MAGI3: variants seen among roughly 807,000 people sequenced by gnomAD.
MAGI3 encodes the protein membrane-associated guanylate kinase, WW and PDZ domain-containing protein 3.
A neutral mutation model predicts 121.8 loss-of-function variants in MAGI3; 43 were observed. The observed-to-expected ratio is 0.35, with a 90% CI of 0.28 to 0.46. MAGI3 has a LOEUF of 0.46. Among genes scored for constraint, MAGI3 ranks in the 20% least tolerant of loss-of-function variants. The probability of loss-of-function intolerance (pLI) is 1.00; values close to 1 mark genes in which losing one functional copy is unlikely to be tolerated. For synonymous variants in MAGI3, 553 were observed against 639.3 expected (o/e 0.86, Z 2.04); for missense variants, 1,547 against 1,797.3 (o/e 0.86, Z 2.52).
intron 1 of MAGI3, among the ~76,000 whole-genome samples, chr1:113,413,273 C>T (rs540333328): frequency 8.7e-4 from 132 of 152,096 alleles, no homozygotes; most frequent in African/African-American, 3.0e-3. Flanking sequence ...CTGTTTTGGT[C>T]ACCGTAGCCT....
intron 1 of MAGI3, among the ~76,000 whole-genome samples, chr1:113,509,715 T>G (rs1657521277): frequency 8.0e-6 from 1 of 124,782 alleles, no homozygotes; most frequent in Non-Finnish European, 1.7e-5. Context: ...AATCAAATAA[T>G]GGCCAACGAG....
intron 9 of MAGI3, among the ~76,000 whole-genome samples, chr1:113,638,942 C>T (rs796805377): frequency 2.0e-5 from 3 of 152,046 alleles, no homozygotes; most frequent in Non-Finnish European, 4.4e-5. Flanking sequence ...CAATGGCGGG[C>T]GCCCCTCCCC....
chr1:113,434,426 C>A (rs913951157), intron 1 of MAGI3, among the ~76,000 whole-genome samples: 6 of 151,852 alleles, frequency 4.0e-5, no homozygotes, highest in South Asian at 2.1e-4. Flanking sequence ...CACACACACA[C>A]ACAAAAAGCG....
intron 1 of MAGI3, among the ~76,000 whole-genome samples, chr1:113,417,675 A>G (rs1173328659): frequency 2.6e-5 from 4 of 152,100 alleles, no homozygotes; most frequent in African/African-American, 4.8e-5. Flanking sequence ...GTGTTGGGCT[A>G]TGTATTCCTC....
intron 3 of MAGI3, among the ~76,000 whole-genome samples, chr1:113,584,967 C>CAAATT (rs1553202682): frequency 7.4e-6 from 1 of 135,724 alleles, no homozygotes. Context: ...TAGATATTTC[C>CAAATT]TTTTTTTTTT....
At chr1:113,425,080 ACCT>A (rs1557750258) in intron 1 of MAGI3, among the ~76,000 whole-genome samples, 8 of 151,710 alleles carry the variant, frequency 5.3e-5, no homozygotes, top group Admixed American at 5.2e-4. Flanking sequence ...AATCACTTGA[ACCT>A]GGGAGATGGA....
chr1:113,533,643 A>G (rs575200766), intron 1 of MAGI3, among the ~76,000 whole-genome samples: 3 of 152,318 alleles, frequency 2.0e-5, no homozygotes, highest in South Asian at 4.1e-4. Context: ...ATATCTATTA[A>G]TTTAAAACCA....
At chr1:113,475,843 A>T (rs1655790953) in intron 1 of MAGI3, among the ~76,000 whole-genome samples, 1 of 152,188 alleles carries the variant, frequency 6.6e-6, no homozygotes, top group Non-Finnish European at 1.5e-5. Flanking sequence ...TTCGGCTGTG[A>T]ATCCCTCTGA....
chr1:113,548,637 C>T (rs1380855733), intron 1 of MAGI3, among the ~76,000 whole-genome samples: 1 of 152,178 alleles, frequency 6.6e-6, no homozygotes, highest in Non-Finnish European at 1.5e-5. Flanking sequence ...GGAGCCAGAA[C>T]ATGTAGGGCC....
chr1:113,492,179 T>G (rs1656701849), intron 1 of MAGI3, among the ~76,000 whole-genome samples: 1 of 152,224 alleles, frequency 6.6e-6, no homozygotes, highest in Non-Finnish European at 1.5e-5. Context: ...CATGATCAAG[T>G]AGGTTTTATC....
chr1:113,557,631 G>A (rs575755175), intron 2 of MAGI3, among the ~76,000 whole-genome samples: 8 of 152,260 alleles, frequency 5.3e-5, no homozygotes, highest in East Asian at 1.9e-4. Context: ...GTTTGGGCTC[G>A]TCAACGGGTC....
chr1:113,641,479 A>T (rs1432170223), intron 9 of MAGI3, among the ~76,000 whole-genome samples: 1 of 151,942 alleles, frequency 6.6e-6, no homozygotes, highest in Non-Finnish European at 1.5e-5. Flanking sequence ...ATACATACAG[A>T]TATATAAATA....
At chr1:113,655,766 TC>T (rs1324206137) in intron 15 of MAGI3, among the ~76,000 whole-genome samples, 1 of 152,116 alleles carries the variant, frequency 6.6e-6, no homozygotes, top group Admixed American at 6.5e-5. Flanking sequence ...TCCAGTTTCT[TC>T]CACAAAATGA....
chr1:113,442,443 T>C (rs1265261349), intron 1 of MAGI3, among the ~76,000 whole-genome samples: 1 of 152,162 alleles, frequency 6.6e-6, no homozygotes, highest in Non-Finnish European at 1.5e-5. Flanking sequence ...GTATCTAGTC[T>C]ACCATATGTG....
intron 1 of MAGI3, among the ~76,000 whole-genome samples, chr1:113,538,617 C>T (rs961131366): frequency 6.6e-6 from 1 of 152,136 alleles, no homozygotes. Context: ...TGATTATTTA[C>T]TTTTTCACTT....
At chr1:113,396,415 T>C (rs1327237606) in intron 1 of MAGI3, among the ~76,000 whole-genome samples, 1 of 152,110 alleles carries the variant, frequency 6.6e-6, no homozygotes, top group African/African-American at 2.4e-5. Flanking sequence ...GCAATAATTT[T>C]CTTGAAATAC....
intron 15 of MAGI3, among the ~76,000 whole-genome samples, chr1:113,657,435 A>G (rs1653537627): frequency 6.6e-6 from 1 of 152,164 alleles, no homozygotes; most frequent in Admixed American, 6.6e-5. Flanking sequence ...GTATACCACC[A>G]TGCACCAATT....
Position 113,683,987 on chromosome 1 carries a change from T to C in MAGI3, c.4419T>C (p.Thr1473=). The C allele has an allele frequency of 6.3e-7, 1 of 1,586,526 alleles. No homozygotes were observed. Among genetic ancestry groups the C allele is most frequent in the South Asian group, 1.2e-5 (1 of 85,392 alleles). Residue 1473 remains threonine (T), a synonymous_variant, in exon 21 of 21, where the codon ACT becomes ACC. Coordinates refer to ENST00000307546, the MANE Select transcript of MAGI3 (RefSeq NM_001142782.2). Reference sequence around the variant, plus strand: ...CAAGTGGAAATAAAGTCACAGGCACTATTGGTATGGCTGAGAAACGGCAGT... The same window carrying C: ...CAAGTGGAAATAAAGTCACAGGCACCATTGGTATGGCTGAGAAACGGCAGT... ...KVPSGNKVTG[T]IGMAEKRQ is the part of the protein sequence containing the mutation.
Position 113,568,964 on chromosome 1 carries a change from A to G in MAGI3, c.434-11578A>G, listed in dbSNP as rs1157465536. Among the ~76,000 whole-genome samples the G allele has an allele frequency of 2.0e-5, 3 of 152,298 alleles. No individual in the cohort carries two copies. The East Asian group carries it at 5.8e-4, about 29-fold the overall frequency. ...TACATTAAAATTAAGAGCTTCTGTC[A>G]TCAAAATACAATTTCTTAAAAAGGT... On this transcript the variant is annotated intron_variant, in intron 2 of 20. Transcript: ENST00000307546.
Sources: gnomAD v4.1 joint callset for allele counts (sites outside exome capture counted in the v4.1 genomes callset) on GRCh38, gnomAD v4.1.1 for gene constraint, MANE v1.5 for transcripts, NCBI Gene and HGNC (gene_info 2026-07-23, HGNC 2026-07-21) for gene names.